The following HTT variants were observed in gnomAD, a reference collection of about 807,000 sequenced individuals.
The protein encoded by HTT is huntington disease protein.
HTT carries 104 observed loss-of-function variants against 362.3 expected under a neutral mutation model. The ratio of observed to expected loss-of-function variants is 0.29; its 90% CI spans 0.24 to 0.34. HTT has a LOEUF of 0.34. HTT is among the 10% of genes least tolerant of loss of function. The pLI, the probability that HTT is intolerant of heterozygous loss-of-function variation, is 1.00. For synonymous variants in HTT, 1,577 were observed against 1,548.7 expected (o/e 1.02, Z -0.43); for missense variants, 3,301 against 3,928.6 (o/e 0.84, Z 4.27).
Position 3,235,637 on chromosome 4 carries a change from C to G in HTT, c.8644C>G (p.Leu2882Val), listed in dbSNP as rs1479890855. Residue 2882 changes from leucine to valine, a missense_variant, in exon 63 of 67, where the codon CTG becomes GTG. Physicochemically the swap from Leu to Val is conservative, Grantham distance 32. Transcript: ENST00000355072. ...SIIYHCALRG[L>V]ERLLLSEQLS... is the part of the protein sequence containing the mutation. Reference sequence around the variant, plus strand: ...CATTTACCACTGTGCCCTCAGAGGCCTGGAGCGCCTCCTGCTCTCTGAGCA... The same window carrying G: ...CATTTACCACTGTGCCCTCAGAGGCGTGGAGCGCCTCCTGCTCTCTGAGCA... 1.2e-6 allele frequency: 2 copies of G among 1,613,866 alleles called. No homozygotes were observed. The highest frequency in any genetic ancestry group is 1.7e-5 in the Admixed American group (1 of 60,020).
At chr4:3,158,440 T>A (rs150270479) in intron 28 of HTT, among the ~76,000 whole-genome samples, 1 of 152,216 alleles carries the variant, frequency 6.6e-6, no homozygotes, top group Non-Finnish European at 1.5e-5. Flanking sequence ...GGAGAACTTA[T>A]ACCTCAGATG....
At chr4:3,237,221 A>C (rs1721579961) in intron 64 of HTT, among the ~76,000 whole-genome samples, 1 of 151,986 alleles carries the variant, frequency 6.6e-6, no homozygotes, top group South Asian at 2.1e-4. Context: ...TTACAGGCAC[A>C]CACCACCATG....
intron 29 of HTT, among the ~76,000 whole-genome samples, chr4:3,167,108 G>T (rs965258649): frequency 6.6e-6 from 1 of 152,218 alleles, no homozygotes; most frequent in Non-Finnish European, 1.5e-5. Context: ...GTCTTGCTCT[G>T]TCGCCCAGGC....
chr4:3,146,027 A>G (rs1219402838), intron 24 of HTT, among the ~76,000 whole-genome samples: 1 of 152,230 alleles, frequency 6.6e-6, no homozygotes, highest in Non-Finnish European at 1.5e-5. Flanking sequence ...CAGTTCTAAT[A>G]CTTTTTACAA....
chr4:3,189,031 A>T lies in HTT; in HGVS notation c.5306A>T (p.His1769Leu). ...AAGGTGGAAATGAGTGAGCAGCAAC[A>T]TACTTTCTATTGCCAGGAACTAGGC... Reference protein sequence around the residue: ...QLKVEMSEQQHTFYCQELGTL... With the variant: ...QLKVEMSEQQLTFYCQELGTL... Residue 1769 changes from histidine to leucine, a missense_variant, in exon 40 of 67, where the codon CAT becomes CTT. His to Leu is a moderately conservative substitution (Grantham distance 99). This residue lies in a region of HTT where 2,316 missense variants were observed against 2,658.5 expected (regional missense o/e 0.87). Coordinates refer to ENST00000355072, the MANE Select transcript of HTT (RefSeq NM_001388492.1). 6.2e-7 allele frequency: 1 copy of T among 1,614,148 alleles called. No homozygotes were observed. The highest frequency in any genetic ancestry group is 1.1e-5 in the South Asian group (1 of 91,086).
At chr4:3,141,415 A>G (rs73088174) in intron 22 of HTT, among the ~76,000 whole-genome samples, 2,316 of 152,320 alleles carry the variant, frequency 0.015, 54 homozygotes, top group African/African-American at 0.053. Context: ...TCAAATATCA[A>G]AGTCATAATT....
chr4:3,145,025 G>A (rs936134870), intron 23 of HTT, 127 bp from the exon 24 acceptor site: 3 of 744,396 alleles, frequency 4.0e-6, no homozygotes, highest in Non-Finnish European at 7.2e-6. Flanking sequence ...CAGATATCCT[G>A]TGGTTATCAT....
chr4:3,100,143 C>T (rs1714080480), intron 3 of HTT, among the ~76,000 whole-genome samples: 1 of 152,116 alleles, frequency 6.6e-6, no homozygotes, highest in Admixed American at 6.6e-5. Context: ...AGAGCTATGC[C>T]CAAATTTCTA....
At chr4:3,126,274 G>A (rs2110182903) in intron 11 of HTT, among the ~76,000 whole-genome samples, 1 of 152,150 alleles carries the variant, frequency 6.6e-6, no homozygotes, top group African/African-American at 2.4e-5. Context: ...GGCTGGTCTT[G>A]AACTCCTGAC....
intron 22 of HTT, 28 bp from the exon 23 acceptor site, chr4:3,142,737 AT>A (rs904892124): frequency 3.3e-6 from 4 of 1,208,436 alleles, no homozygotes; most frequent in Middle Eastern, 1.9e-4. Flanking sequence ...TTAATAGTGT[AT>A]TTTAAGTCTC....
chr4:3,185,142 G>T (rs994220166), intron 37 of HTT, among the ~76,000 whole-genome samples: 1 of 152,168 alleles, frequency 6.6e-6, no homozygotes, highest in Admixed American at 6.5e-5. Context: ...GAGAAATAGG[G>T]CAGTAGCCAG....
At chr4:3,197,099 A>C (rs1719289537) in intron 40 of HTT, among the ~76,000 whole-genome samples, 1 of 151,626 alleles carries the variant, frequency 6.6e-6, no homozygotes, top group East Asian at 1.9e-4. Context: ...CCCTCTTGTC[A>C]CTCAGTAGCT....
Position 3,231,329 on chromosome 4 carries a change from G to A in HTT, c.8265+1287G>A, listed in dbSNP as rs574523863. The stretch of plus-strand genomic sequence containing the variant: ...TCAGGAACGACAATGCTGTCATGAC[G>A]GTGAATGATTTTTTTTTTTGCCATC... On this transcript the variant is annotated intron_variant, in intron 60 of 66. Coordinates refer to ENST00000355072, the MANE Select transcript of HTT (RefSeq NM_001388492.1). Among the ~76,000 whole-genome samples, 207 of 152,248 alleles carry A rather than the reference G, an allele frequency of 1.4e-3. 1 individual carries two copies. Among genetic ancestry groups the A allele is most frequent in the African/African-American group, 4.5e-3 (188 of 41,552 alleles).
intron 50 of HTT, among the ~76,000 whole-genome samples, 162 bp from the exon 51 acceptor site, chr4:3,214,948 C>T (rs1360078215): frequency 6.6e-6 from 1 of 152,212 alleles, no homozygotes; most frequent in Non-Finnish European, 1.5e-5. Context: ...ATTGGTACCT[C>T]AGTCTAGTAT....
Position 3,131,667 on chromosome 4 carries a change from A to G in HTT, c.2128A>G (p.Ser710Gly). The G allele has an allele frequency of 2.5e-6, 4 of 1,613,998 alleles. No homozygotes were observed. The highest frequency in any genetic ancestry group is 3.4e-6 in the Non-Finnish European group (4 of 1,180,010). The change falls in exon 16 of 67, where the codon AGC becomes GGC. Residue 710 changes from serine to glycine, a missense_variant. Transcript: ENST00000355072. ...VLVPDRDVRV[S>G]VKALALSCVG... ...GGTTCCGGACAGGGATGTGAGGGTC[A>G]GCGTGAAGGCCCTGGCCCTCAGCTG... is the stretch of plus-strand genomic sequence containing the variant.
intron 29 of HTT, among the ~76,000 whole-genome samples, chr4:3,167,449 A>T (rs7654034): frequency 0.16 from 24,025 of 152,192 alleles, 2,529 homozygotes; most frequent in African/African-American, 0.31. Flanking sequence ...GTCTCCATGT[A>T]TAACACATTT....
rs369835110 is a variant in HTT at position 3,207,263 on chromosome 4, T to A, written c.6076-18T>A. Reference sequence around the variant, plus strand: ...TTGTTAGGTGTTACAAACACACTAATGTGTTTTTGTCTATTAGAGCAGCAT... The same window carrying A: ...TTGTTAGGTGTTACAAACACACTAAAGTGTTTTTGTCTATTAGAGCAGCAT... On this transcript the variant is annotated intron_variant, in intron 44 of 66. Coordinates refer to ENST00000355072, the MANE Select transcript of HTT (RefSeq NM_001388492.1). 53 of 1,604,990 alleles carry A rather than the reference T, an allele frequency of 3.3e-5. No homozygotes were observed. Among genetic ancestry groups the A allele is most frequent in the Non-Finnish European group, 4.4e-5 (51 of 1,172,168 alleles).
intron 60 of HTT, among the ~76,000 whole-genome samples, chr4:3,230,306 C>A (rs554627563): frequency 4.6e-5 from 7 of 152,280 alleles, no homozygotes; most frequent in African/African-American, 1.7e-4. Flanking sequence ...CTTATGACAT[C>A]ATTGTAGTAG....
Position 3,199,868 on chromosome 4 carries a change from C to G in HTT, c.5505C>G (p.Leu1835=), listed in dbSNP as rs1242865659. The G allele has an allele frequency of 6.2e-7, 1 of 1,614,060 alleles. No homozygotes were observed. Among genetic ancestry groups the G allele is most frequent in the Non-Finnish European group, 8.5e-7 (1 of 1,180,040 alleles). Residue 1835 remains leucine, a synonymous_variant, in exon 41 of 67, where the codon CTC becomes CTG. Coordinates refer to ENST00000355072, the MANE Select transcript of HTT (RefSeq NM_001388492.1). ...CCACCCACCCGGCCCTGGTGCTGCT[C>G]TGGTGTCAGATACTGCTGCTTGTCA... ...MITTHPALVL[L]WCQILLLVNH...
Sources: gnomAD v4.1 joint callset for allele counts (sites outside exome capture counted in the v4.1 genomes callset) on GRCh38, gnomAD v4.1.1 for gene constraint, gnomAD v4.1.1 regional missense constraint, MANE v1.5 for transcripts, NCBI Gene and HGNC (gene_info 2026-07-23, HGNC 2026-07-21) for gene names.